Variants in CDK14 observed in about 807,000 individuals in gnomAD.
The protein encoded by CDK14 is cyclin-dependent kinase 14.
A neutral mutation model predicts 60.7 loss-of-function variants in CDK14; 34 were observed. That is an observed-to-expected ratio of 0.56 (90% CI 0.43 to 0.75). The LOEUF (loss-of-function observed/expected upper bound fraction) is 0.75. CDK14 is among the 30% of genes least tolerant of loss of function. The pLI, the probability that CDK14 is intolerant of heterozygous loss-of-function variation, is 0.00. For missense variants in CDK14, 482 were observed against 564.1 expected, an observed-to-expected ratio of 0.85 and a Z score of 1.47; for synonymous variants, 197 against 203.7, an observed-to-expected ratio of 0.97 and a Z score of 0.28.
chr7:90,638,370 T>C (rs898004948), intron 2 of CDK14, among the ~76,000 whole-genome samples: 1 of 152,222 alleles, frequency 6.6e-6, no homozygotes, highest in African/African-American at 2.4e-5. Context: ...TAAAGTATTT[T>C]ATTTCTTCTT....
intron 5 of CDK14, among the ~76,000 whole-genome samples, chr7:90,830,955 A>G (rs1404478050): frequency 1.3e-5 from 2 of 152,174 alleles, no homozygotes; most frequent in Admixed American, 6.5e-5. Context: ...CCTGGACTTC[A>G]TTGTCCATAT....
intron 2 of CDK14, among the ~76,000 whole-genome samples, chr7:90,645,874 G>C (rs1047121788): frequency 6.6e-6 from 1 of 152,210 alleles, no homozygotes; most frequent in East Asian, 1.9e-4. Context: ...GTCACACACA[G>C]TGAGAATAAT....
At chr7:90,824,669 T>A (rs568930593) in intron 5 of CDK14, 2 of 152,208 alleles carry the variant, frequency 1.3e-5, no homozygotes, top group Non-Finnish European at 2.9e-5. Flanking sequence ...CCTTAAAATA[T>A]CCTTAAACAG....
intron 10 of CDK14, among the ~76,000 whole-genome samples, chr7:90,990,190 G>T (rs939746809): frequency 3.3e-5 from 5 of 152,106 alleles, no homozygotes; most frequent in Non-Finnish European, 5.9e-5. Context: ...GAGGTGGGAG[G>T]ATCACTTAGC....
intron 11 of CDK14, 46 bp downstream of exon 11, chr7:91,046,006 A>G (rs760187378): frequency 8.0e-7 from 1 of 1,244,458 alleles, no homozygotes. Context: ...CTATATGCAA[A>G]AGGTGAGTAT....
At chr7:90,686,122 T>G (rs1293424519) in intron 2 of CDK14, among the ~76,000 whole-genome samples, 1 of 152,166 alleles carries the variant, frequency 6.6e-6, no homozygotes, top group Admixed American at 6.5e-5. Context: ...TTCATAAGAA[T>G]AATGAGATGA....
intron 9 of CDK14, among the ~76,000 whole-genome samples, chr7:90,980,610 A>T (rs1414773121): frequency 6.6e-6 from 1 of 152,122 alleles, no homozygotes. Context: ...TCATATGTTG[A>T]TATGTTTTAT....
intron 14 of CDK14, among the ~76,000 whole-genome samples, chr7:91,151,218 A>G (rs144842928): frequency 2.0e-5 from 3 of 152,212 alleles, no homozygotes; most frequent in Non-Finnish European, 4.4e-5. Context: ...ATAATTTGGG[A>G]CTGAGAACTC....
chr7:91,146,010 CAATAACATTT>C (rs1454917773), intron 14 of CDK14, among the ~76,000 whole-genome samples: 1 of 151,856 alleles, frequency 6.6e-6, no homozygotes, highest in East Asian at 1.9e-4. Flanking sequence ...TCAAACTGAA[CAATAACATTT>C]AAAACACACA....
chr7:90,899,498 C>T, intron 7 of CDK14, 145 bp downstream of exon 7: 1 of 481,736 alleles, frequency 2.1e-6, no homozygotes, highest in Non-Finnish European at 3.6e-6. Context: ...CCAGTCATTG[C>T]TTCAGTTGAG....
At chr7:91,153,651 G>T (rs1008527969) in intron 14 of CDK14, among the ~76,000 whole-genome samples, 2 of 152,120 alleles carry the variant, frequency 1.3e-5, no homozygotes, top group Admixed American at 6.5e-5. Flanking sequence ...AATACTGGAT[G>T]TTCTTACTTA....
intron 2 of CDK14, among the ~76,000 whole-genome samples, chr7:90,655,465 A>G (rs1263029587): frequency 6.6e-6 from 1 of 152,154 alleles, no homozygotes. Context: ...TAAACTAGTC[A>G]CAGTTAAGGG....
At chr7:90,693,100 T>C (rs951380972) in intron 2 of CDK14, among the ~76,000 whole-genome samples, 2 of 152,202 alleles carry the variant, frequency 1.3e-5, no homozygotes, top group East Asian at 1.9e-4. Context: ...CATACTGTTA[T>C]AGGAAGTATT....
intron 14 of CDK14, among the ~76,000 whole-genome samples, chr7:91,160,040 TTTTG>T (rs1801118728): frequency 6.6e-6 from 1 of 152,220 alleles, no homozygotes; most frequent in Admixed American, 6.5e-5. Flanking sequence ...AGCATACTGC[TTTTG>T]TCTGAAGAAA....
intron 2 of CDK14, chr7:90,709,719 AG>A: frequency 6.8e-7 from 1 of 1,460,248 alleles, no homozygotes; most frequent in South Asian, 1.4e-5. Flanking sequence ...TCTTCTCAAC[AG>A]TTTTTGGTCT....
chr7:91,142,462 G>A (rs1402369060), intron 14 of CDK14, among the ~76,000 whole-genome samples: 1 of 152,202 alleles, frequency 6.6e-6, no homozygotes. Context: ...TTGTAGCCAT[G>A]TCTCTGTTGT....
intron 10 of CDK14, among the ~76,000 whole-genome samples, chr7:91,035,983 A>G (rs1204127314): frequency 6.6e-6 from 1 of 151,930 alleles, no homozygotes; most frequent in East Asian, 1.9e-4. Flanking sequence ...AGCTGGGACT[A>G]CAGGCGCCTG....
intron 2 of CDK14, among the ~76,000 whole-genome samples, chr7:90,646,450 T>G (rs1033229838): frequency 1.3e-5 from 2 of 151,872 alleles, no homozygotes; most frequent in African/African-American, 4.8e-5. Flanking sequence ...CTTTATTCTT[T>G]TCTCTTGTTC....
intron 3 of CDK14, among the ~76,000 whole-genome samples, chr7:90,736,632 CTTTTA>C (rs1227019055): frequency 2.0e-5 from 3 of 151,840 alleles, no homozygotes; most frequent in Non-Finnish European, 4.4e-5. Context: ...TTATGTCATA[CTTTTA>C]TTTTATCATT....
Sources: gnomAD v4.1 joint callset for allele counts (sites outside exome capture counted in the v4.1 genomes callset) on GRCh38, gnomAD v4.1.1 for gene constraint, MANE v1.5 for transcripts, NCBI Gene and HGNC (gene_info 2026-07-23, HGNC 2026-07-21) for gene names.